SGCZ: variants seen among roughly 807,000 people sequenced by gnomAD.
The protein encoded by SGCZ is zeta-sarcoglycan.
A neutral mutation model predicts 41.3 loss-of-function variants in SGCZ; 40 were observed. The observed-to-expected ratio is 0.97, with a 90% confidence interval of 0.75 to 1.26. The LOEUF (loss-of-function observed/expected upper bound fraction) is 1.26, where lower values mean the gene tolerates loss of function less well. SGCZ is among the 50% of genes most tolerant of loss of function. The probability of loss-of-function intolerance (pLI) is 0.00; values close to 1 mark genes in which losing one functional copy is unlikely to be tolerated. For missense variants in SGCZ, 552 were observed against 369.8 expected (o/e 1.49, Z -4.04); for synonymous variants, 206 against 137.5 (o/e 1.50, Z -3.49).
intron 1 of SGCZ, among the ~76,000 whole-genome samples, chr8:15,102,541 C>T (rs1806653633): frequency 6.7e-6 from 1 of 150,350 alleles, no homozygotes; most frequent in South Asian, 2.1e-4. Flanking sequence ...ATGATGTATC[C>T]ATATTGGTTT....
Position 15,206,733 on chromosome 8 carries a change from C to T in SGCZ, c.39+30852G>A, listed in dbSNP as rs373145939. Among the ~76,000 whole-genome samples, 5 of 152,254 alleles carry T rather than the reference C, an allele frequency of 3.3e-5. No individual in the cohort carries two copies. In the East Asian group the frequency reaches 9.7e-4, roughly 29 times the overall value. On this transcript the variant is annotated intron_variant, in intron 1 of 7. Transcript: ENST00000382080. The stretch of plus-strand genomic sequence containing the variant: ...AAGTGCTGAGATTACAGGCGTGAGC[C>T]ACTGCACCCAGCCGGGCAGAGTCTT...
intron 1 of SGCZ, among the ~76,000 whole-genome samples, chr8:14,990,105 CT>C (rs1801958445): frequency 6.6e-6 from 1 of 152,152 alleles, no homozygotes; most frequent in African/African-American, 2.4e-5. Context: ...AAACGTTGCC[CT>C]GCACACAGCC....
intron 1 of SGCZ, among the ~76,000 whole-genome samples, chr8:15,032,658 C>A (rs1280443861): frequency 6.6e-6 from 1 of 152,136 alleles, no homozygotes; most frequent in Non-Finnish European, 1.5e-5. Context: ...GGGCCTTGGG[C>A]TTAGGACCTA....
At chr8:14,744,839 GT>G (rs1174250484) in intron 1 of SGCZ, among the ~76,000 whole-genome samples, 1 of 152,002 alleles carries the variant, frequency 6.6e-6, no homozygotes, top group Non-Finnish European at 1.5e-5. Flanking sequence ...CAATACAAAG[GT>G]TTTCCTCAGG....
chr8:14,455,288 G>T (rs1303156007), intron 2 of SGCZ, among the ~76,000 whole-genome samples: 1 of 152,028 alleles, frequency 6.6e-6, no homozygotes, highest in Non-Finnish European at 1.5e-5. Flanking sequence ...AAAAATCATA[G>T]TTAAGGAAAT....
At chr8:14,382,675 C>T (rs909304590) in intron 2 of SGCZ, among the ~76,000 whole-genome samples, 1 of 152,228 alleles carries the variant, frequency 6.6e-6, no homozygotes, top group Admixed American at 6.5e-5. Flanking sequence ...AAGGTAAGTG[C>T]TCAGAACATC....
chr8:15,004,880 T>C (rs143179841), intron 1 of SGCZ, among the ~76,000 whole-genome samples: 4 of 57,742 alleles, frequency 6.9e-5, no homozygotes, highest in African/African-American at 2.5e-4. Context: ...GGGTTCTTTG[T>C]GTGCTGTTCA....
intron 1 of SGCZ, among the ~76,000 whole-genome samples, chr8:15,130,668 G>T (rs1276587563): frequency 6.6e-6 from 1 of 152,122 alleles, no homozygotes; most frequent in Non-Finnish European, 1.5e-5. Flanking sequence ...ATGATATAAT[G>T]AGGCTGTGTC....
At chr8:14,833,515 CA>C (rs1298643886) in intron 1 of SGCZ, among the ~76,000 whole-genome samples, 3 of 152,202 alleles carry the variant, frequency 2.0e-5, no homozygotes, top group African/African-American at 7.2e-5. Context: ...TGTGAACTGA[CA>C]TCCTTGCCTA....
chr8:14,660,358 G>A (rs991054341), intron 1 of SGCZ, among the ~76,000 whole-genome samples: 9 of 151,896 alleles, frequency 5.9e-5, no homozygotes, highest in African/African-American at 1.9e-4. Flanking sequence ...GATCGCCTGA[G>A]GTCAAGAGTT....
intron 1 of SGCZ, among the ~76,000 whole-genome samples, chr8:15,168,421 A>G (rs912699677): frequency 6.6e-6 from 1 of 152,226 alleles, no homozygotes; most frequent in Non-Finnish European, 1.5e-5. Flanking sequence ...GTGAGAGCAG[A>G]TAATTCCCTA....
At chr8:15,174,790 C>T (rs1337502704) in intron 1 of SGCZ, among the ~76,000 whole-genome samples, 1 of 152,192 alleles carries the variant, frequency 6.6e-6, no homozygotes. Flanking sequence ...ATTTCCTTGA[C>T]TAGCGACTTA....
At chr8:15,125,094 C>T (rs2116959543) in intron 1 of SGCZ, among the ~76,000 whole-genome samples, 1 of 152,256 alleles carries the variant, frequency 6.6e-6, no homozygotes, top group Admixed American at 6.5e-5. Context: ...GATACTGACC[C>T]TTGTTTTACC....
At chr8:15,000,287 T>C (rs1802369978) in intron 1 of SGCZ, among the ~76,000 whole-genome samples, 2 of 152,318 alleles carry the variant, frequency 1.3e-5, no homozygotes, top group South Asian at 4.1e-4. Context: ...ACTCAGTCTT[T>C]GTTTCTTTGT....
intron 3 of SGCZ, among the ~76,000 whole-genome samples, chr8:14,270,119 G>A (rs564822306): frequency 1.3e-5 from 2 of 152,082 alleles, no homozygotes; most frequent in East Asian, 3.9e-4. Context: ...AACCCCTGAG[G>A]TCAGGAGTTC....
chr8:14,122,168 T>A (rs1340060306), intron 5 of SGCZ, among the ~76,000 whole-genome samples: 1 of 152,134 alleles, frequency 6.6e-6, no homozygotes, highest in Non-Finnish European at 1.5e-5. Context: ...TCCCAGCTAC[T>A]CGGGAGGCTG....
intron 3 of SGCZ, among the ~76,000 whole-genome samples, chr8:14,288,176 G>T (rs1355929760): frequency 6.6e-6 from 1 of 151,604 alleles, no homozygotes; most frequent in African/African-American, 2.4e-5. Flanking sequence ...ATGTGAGTGT[G>T]GAATACTCTT....
intron 1 of SGCZ, among the ~76,000 whole-genome samples, chr8:14,613,232 A>C (rs1277152425): frequency 6.6e-6 from 1 of 152,182 alleles, no homozygotes; most frequent in Non-Finnish European, 1.5e-5. Context: ...AATAGTATGA[A>C]AGTTTATGAT....
At chr8:14,922,773 G>A (rs966192415) in intron 1 of SGCZ, among the ~76,000 whole-genome samples, 5 of 152,052 alleles carry the variant, frequency 3.3e-5, no homozygotes, top group African/African-American at 7.3e-5. Context: ...ACAATTCAGT[G>A]CAATATATAC....
Sources: allele counts gnomAD v4.1 joint callset (sites outside exome capture counted in the v4.1 genomes callset), GRCh38; gene constraint gnomAD v4.1.1; transcripts MANE v1.5; gene names NCBI Gene and HGNC (gene_info 2026-07-23, HGNC 2026-07-21).